The following SGIP1 variants were observed in gnomAD, a reference collection of about 807,000 sequenced individuals.
The protein encoded by SGIP1 is SH3-containing GRB2-like protein 3-interacting protein 1.
In SGIP1, 38 loss-of-function variants were observed where a neutral mutation model predicts 107.5. That is an observed-to-expected ratio of 0.35 (90% CI 0.27 to 0.46). The LOEUF (loss-of-function observed/expected upper bound fraction) is 0.46. Ranked by LOEUF, SGIP1 falls within the 20% of genes least tolerant of loss-of-function variation. The probability of loss-of-function intolerance (pLI) is 1.00; values close to 1 mark genes in which losing one functional copy is unlikely to be tolerated. For missense variants in SGIP1, 929 were observed against 1,019.5 expected (o/e 0.91, Z 1.21); for synonymous variants, 365 against 366.1 (o/e 1.00, Z 0.03).
intron 9 of SGIP1, 57 bp downstream of exon 9, chr1:66,667,598 CA>C: frequency 6.5e-7 from 1 of 1,539,590 alleles, no homozygotes; most frequent in Non-Finnish European, 9.0e-7. Context: ...GCTGCCAAGG[CA>C]AGGTGGCCAG....
chr1:66,699,142 C>T (rs1325730555), intron 18 of SGIP1, among the ~76,000 whole-genome samples: 3 of 152,014 alleles, frequency 2.0e-5, no homozygotes, highest in African/African-American at 7.3e-5. Flanking sequence ...CACGTGTTTC[C>T]TGACGAAATC....
In SGIP1 at chr1:66,750,139, T is replaced by G. The variant is rs1455366203; in HGVS notation, c.*7044T>G. Among the ~76,000 whole-genome samples, 1 of 151,936 alleles carries G rather than the reference T, an allele frequency of 6.6e-6. No homozygotes were observed. The highest frequency in any genetic ancestry group is 2.4e-5 in the African/African-American group (1 of 41,378). The stretch of plus-strand genomic sequence containing the variant: ...AATTTTTCTTGAAAAAGCCAAGTGT[T>G]GATATGATGATATATTAATCTTATC... On this transcript the variant is annotated 3_prime_UTR_variant, in exon 25 of 25. Transcript: ENST00000371037.
intron 1 of SGIP1, among the ~76,000 whole-genome samples, chr1:66,601,797 A>T (rs2065895892): frequency 6.6e-6 from 1 of 152,190 alleles, no homozygotes; most frequent in Admixed American, 6.5e-5. Flanking sequence ...ATTCAATTTC[A>T]TTTTTAGAAT....
intron 15 of SGIP1, among the ~76,000 whole-genome samples, chr1:66,688,786 C>A (rs573562649): frequency 6.6e-6 from 1 of 152,186 alleles, no homozygotes; most frequent in Admixed American, 6.5e-5. Flanking sequence ...TACATACATG[C>A]AAAATGCAAG....
At chr1:66,689,875 C>T (rs547408619) in intron 16 of SGIP1, among the ~76,000 whole-genome samples, 9 of 152,150 alleles carry the variant, frequency 5.9e-5, no homozygotes, top group Non-Finnish European at 1.0e-4. Flanking sequence ...TAGCTTTAGA[C>T]GAGTATGAGT....
intron 1 of SGIP1, among the ~76,000 whole-genome samples, chr1:66,599,678 A>G (rs2065382407): frequency 6.6e-6 from 1 of 152,232 alleles, no homozygotes; most frequent in Non-Finnish European, 1.5e-5. Context: ...TTTTGAGTAT[A>G]CGAGGAAAAT....
intron 1 of SGIP1, among the ~76,000 whole-genome samples, chr1:66,577,537 G>C (rs2061235741): frequency 6.6e-6 from 1 of 152,246 alleles, no homozygotes; most frequent in East Asian, 1.9e-4. Flanking sequence ...GGACAAAGAG[G>C]AAAGAGGTTC....
intron 1 of SGIP1, among the ~76,000 whole-genome samples, chr1:66,576,556 G>A (rs973709827): frequency 6.6e-6 from 1 of 152,170 alleles, no homozygotes; most frequent in Non-Finnish European, 1.5e-5. Context: ...TCAAGGAATT[G>A]ATAGCCATTT....
At chr1:66,741,519 A>T in intron 24 of SGIP1, 83 bp downstream of exon 24, 1 of 1,350,428 alleles carries the variant, frequency 7.4e-7, no homozygotes. Context: ...TGATTTTCTC[A>T]TCTTTTTCCT....
At chr1:66,660,294 C>T (rs1000970492) in intron 7 of SGIP1, 1 of 558,916 alleles carries the variant, frequency 1.8e-6, no homozygotes, top group Non-Finnish European at 3.1e-6. Flanking sequence ...TGCTCAGATG[C>T]CCAGATGAAG....
chr1:66,711,657 TC>T (rs1474477766), intron 18 of SGIP1, among the ~76,000 whole-genome samples: 1 of 152,126 alleles, frequency 6.6e-6, no homozygotes, highest in Non-Finnish European at 1.5e-5. Context: ...TGCATTGTCA[TC>T]CCTGGGCATA....
intron 20 of SGIP1, among the ~76,000 whole-genome samples, chr1:66,731,933 A>G (rs773781198): frequency 3.9e-5 from 6 of 152,296 alleles, no homozygotes; most frequent in African/African-American, 1.4e-4. Flanking sequence ...ACAATTGTCA[A>G]CTCAAGTATG....
Position 66,680,632 on chromosome 1 carries a change from G to A in SGIP1, c.814+880G>A, listed in dbSNP as rs187642255. 1.4e-3 allele frequency among the ~76,000 whole-genome samples: 207 copies of A among 152,314 alleles called. 1 individual carries two copies. Among genetic ancestry groups the A allele is most frequent in the African/African-American group, 4.9e-3 (204 of 41,576 alleles). ...CAGAGCTTCATAAGTAAAGATGTTTGCAGGTTCAAGACATTTTGGCCCCTT... is the reference window on the plus strand; with the variant it reads ...CAGAGCTTCATAAGTAAAGATGTTTACAGGTTCAAGACATTTTGGCCCCTT... On this transcript the variant is annotated intron_variant, in intron 14 of 24. Transcript: ENST00000371037.
chr1:66,620,044 A>G (rs2070552032), intron 1 of SGIP1, among the ~76,000 whole-genome samples: 1 of 152,204 alleles, frequency 6.6e-6, no homozygotes, highest in Non-Finnish European at 1.5e-5. Context: ...AACATTTAAA[A>G]GTGGCTCAAA....
intron 2 of SGIP1, among the ~76,000 whole-genome samples, chr1:66,627,023 A>G (rs556852978): frequency 6.6e-6 from 1 of 152,328 alleles, no homozygotes; most frequent in East Asian, 1.9e-4. Context: ...ATGAGATAAA[A>G]TATCTACTAC....
At chr1:66,615,009 C>T (rs558166269) in intron 1 of SGIP1, among the ~76,000 whole-genome samples, 48 of 151,240 alleles carry the variant, frequency 3.2e-4, no homozygotes, top group South Asian at 8.4e-4. Flanking sequence ...TTAGTAGAGA[C>T]GGGGTTTCTC....
chr1:66,567,310 G>A (rs1265371755), intron 1 of SGIP1, among the ~76,000 whole-genome samples: 2 of 152,016 alleles, frequency 1.3e-5, no homozygotes, highest in Non-Finnish European at 2.9e-5. Flanking sequence ...GTCTTCTTTT[G>A]AAAAGTGTCT....
intron 20 of SGIP1, 43 bp downstream of exon 20, chr1:66,729,462 T>A: frequency 6.2e-7 from 1 of 1,611,584 alleles, no homozygotes; most frequent in South Asian, 1.1e-5. Context: ...TACATGTGGC[T>A]TAGTACTTTG....
intron 1 of SGIP1, among the ~76,000 whole-genome samples, chr1:66,598,795 C>T (rs1378599438): frequency 1.3e-5 from 2 of 152,178 alleles, no homozygotes; most frequent in African/African-American, 4.8e-5. Context: ...GATCCAATCA[C>T]CTCCCACCAG....
Sources: allele counts gnomAD v4.1 joint callset (sites outside exome capture counted in the v4.1 genomes callset), GRCh38; gene constraint gnomAD v4.1.1; transcripts MANE v1.5; gene names NCBI Gene and HGNC (gene_info 2026-07-23, HGNC 2026-07-21).